Variants in DENND2B observed in about 807,000 individuals in gnomAD.
DENND2B encodes the protein DENN domain-containing protein 2B.
Under a neutral mutation model 116.0 loss-of-function variants are expected in DENND2B, and 32 were observed. That is an observed-to-expected ratio of 0.28 (90% CI 0.21 to 0.37). DENND2B has a LOEUF of 0.37. Ranked by LOEUF, DENND2B falls within the 10% of genes least tolerant of loss-of-function variation. The probability of loss-of-function intolerance (pLI) is 1.00; values close to 1 mark genes in which losing one functional copy is unlikely to be tolerated. For missense variants in DENND2B, 1,276 were observed against 1,477.7 expected (o/e 0.86, Z 2.24); for synonymous variants, 588 against 583.9 (o/e 1.01, Z -0.10).
intron 1 of DENND2B, among the ~76,000 whole-genome samples, chr11:8,802,359 A>C (rs1000550915): frequency 6.6e-6 from 1 of 151,946 alleles, no homozygotes; most frequent in Non-Finnish European, 1.5e-5. Flanking sequence ...ACAAAACAAT[A>C]ACTGCAAACA....
intron 3 of DENND2B, among the ~76,000 whole-genome samples, chr11:8,855,977 T>C (rs959718089): frequency 6.6e-6 from 1 of 152,200 alleles, no homozygotes; most frequent in African/African-American, 2.4e-5. Context: ...CTCCAATTCT[T>C]GTTCATCTTC....
intron 1 of DENND2B, among the ~76,000 whole-genome samples, chr11:8,793,076 C>T (rs1377080204): frequency 6.6e-6 from 1 of 152,142 alleles, no homozygotes; most frequent in African/African-American, 2.4e-5. Context: ...ATGATACATC[C>T]CTCTGAAGAA....
At chr11:8,720,451 T>C (rs569250458) in intron 4 of DENND2B, among the ~76,000 whole-genome samples, 2 of 152,344 alleles carry the variant, frequency 1.3e-5, no homozygotes, top group Admixed American at 6.5e-5. Context: ...GTTCTCAAGA[T>C]AGGTCCTGTC....
intron 1 of DENND2B, among the ~76,000 whole-genome samples, chr11:8,767,990 G>A (rs1305372074): frequency 6.6e-6 from 1 of 152,032 alleles, no homozygotes; most frequent in Non-Finnish European, 1.5e-5. Context: ...TATACCAAGG[G>A]GAGTTGGGAG....
chr11:8,840,162 G>C (rs1035904370), intron 3 of DENND2B, among the ~76,000 whole-genome samples: 2 of 152,116 alleles, frequency 1.3e-5, no homozygotes, highest in African/African-American at 2.4e-5. Flanking sequence ...AAGCCAGCAT[G>C]CCCTTCTCCA....
At chr11:8,900,222 GA>G (rs2134757281) in intron 1 of DENND2B, among the ~76,000 whole-genome samples, 1 of 151,060 alleles carries the variant, frequency 6.6e-6, no homozygotes, top group Non-Finnish European at 1.5e-5. Context: ...TCAGGAGTTC[GA>G]GACTGTCCTG....
intron 2 of DENND2B, among the ~76,000 whole-genome samples, chr11:8,741,320 C>T (rs1032224889): frequency 3.3e-5 from 5 of 152,200 alleles, no homozygotes; most frequent in African/African-American, 1.2e-4. Flanking sequence ...GACCGCTGAG[C>T]TCTTCTCCGG....
intron 3 of DENND2B, 69 bp from the exon 4 acceptor site, chr11:8,726,278 A>C: frequency 6.5e-7 from 1 of 1,542,614 alleles, no homozygotes; most frequent in Non-Finnish European, 8.7e-7. Flanking sequence ...GGGAATGTCC[A>C]TGGCAACAGC....
At chr11:8,757,026 A>G (rs2053726888) in intron 1 of DENND2B, 1 of 456,192 alleles carries the variant, frequency 2.2e-6, no homozygotes, top group Non-Finnish European at 4.4e-6. Flanking sequence ...CAATCCAGAG[A>G]AAGGAATAGA....
At chr11:8,774,284 T>C in intron 1 of DENND2B, 1 of 985,376 alleles carries the variant, frequency 1.0e-6, no homozygotes, top group Non-Finnish European at 1.2e-6. Context: ...GACACTTTAA[T>C]CCCAAAGCAC....
intron 1 of DENND2B, among the ~76,000 whole-genome samples, chr11:8,772,528 G>GA (rs1479056562): frequency 6.6e-6 from 1 of 152,090 alleles, no homozygotes; most frequent in East Asian, 1.9e-4. Context: ...AAATGTGAGA[G>GA]AAAAAACCCC....
At chr11:8,717,460 A>G (rs938455077) in intron 5 of DENND2B, among the ~76,000 whole-genome samples, 5 of 152,210 alleles carry the variant, frequency 3.3e-5, no homozygotes, top group Non-Finnish European at 7.3e-5. Flanking sequence ...GAGCTTGTGT[A>G]GGAAGGGAAA....
At chr11:8,750,748 A>G (rs374331145) in intron 1 of DENND2B, 23 bp from the exon 2 acceptor site, 10 of 1,612,088 alleles carry the variant, frequency 6.2e-6, no homozygotes, top group African/African-American at 1.3e-5. Flanking sequence ...CAATGCCGGT[A>G]AGCCAAGTTT....
chr11:8,884,862 G>C (rs2063943888), intron 1 of DENND2B, among the ~76,000 whole-genome samples: 1 of 152,162 alleles, frequency 6.6e-6, no homozygotes, highest in Non-Finnish European at 1.5e-5. Flanking sequence ...TTCAATATCA[G>C]TGTGTTAAAG....
chr11:8,868,420 C>T (rs1055313668), intron 2 of DENND2B, among the ~76,000 whole-genome samples: 1 of 152,172 alleles, frequency 6.6e-6, no homozygotes, highest in Non-Finnish European at 1.5e-5. Context: ...AAAGTTCCAG[C>T]CCTTGAGCCA....
chr11:8,707,043 C>G lies in DENND2B; in HGVS notation c.2571+42G>C. ...TTGGCCAGCATGGTCCTCCTGCCAC[C>G]CCAGCCCGTAGCCCGAGAGAAGAGG... On this transcript the variant is annotated intron_variant, in intron 13 of 19. Transcript: ENST00000313726. The surrounding 1 kb of genome is among the most constrained non-coding windows in gnomAD (Gnocchi z 4.8). 1.3e-6 allele frequency: 2 copies of G among 1,588,598 alleles called. No individual in the cohort carries two copies. Among genetic ancestry groups the G allele is most frequent in the Non-Finnish European group, 1.7e-6 (2 of 1,165,424 alleles).
chr11:8,750,615 A>G lies in DENND2B; in HGVS notation c.80+6T>C, dbSNP rs1314705622. The G allele has an allele frequency of 2.5e-6, 4 of 1,613,628 alleles. No homozygotes were observed. The highest frequency in any genetic ancestry group is 3.4e-6 in the Non-Finnish European group (4 of 1,179,670). ...TGCCACCTCCCACAAGTGCTCCCTT[A>G]CCCACCTGCTCAGAGTCCCCCGAGG... On this transcript the variant is annotated splice_donor_region_variant and intron_variant, in intron 2 of 19. Transcript: ENST00000313726.
At chr11:8,713,045 CA>C (rs1260875862) in intron 8 of DENND2B, among the ~76,000 whole-genome samples, 1 of 152,150 alleles carries the variant, frequency 6.6e-6, no homozygotes, top group East Asian at 1.9e-4. Flanking sequence ...GTCCCTGTAC[CA>C]AAAGGACTAG....
chr11:8,900,500 G>A (rs979732607), intron 1 of DENND2B, among the ~76,000 whole-genome samples: 2 of 151,424 alleles, frequency 1.3e-5, no homozygotes, highest in Non-Finnish European at 2.9e-5. Context: ...TCAGGAGGTT[G>A]AGTTGGGGGG....
Sources: allele counts gnomAD v4.1 joint callset (sites outside exome capture counted in the v4.1 genomes callset), GRCh38; gene constraint gnomAD v4.1.1; non-coding constraint Gnocchi (gnomAD v3.1); transcripts MANE v1.5; gene names NCBI Gene and HGNC (gene_info 2026-07-23, HGNC 2026-07-21).